Variants in P4HA3 observed in about 807,000 individuals in gnomAD.
The protein encoded by P4HA3 is prolyl 4-hydroxylase subunit alpha 3.
P4HA3 carries 60 observed loss-of-function variants against 66.7 expected under a neutral mutation model. The ratio of observed to expected loss-of-function variants is 0.90; its 90% confidence interval spans 0.73 to 1.12. The LOEUF (loss-of-function observed/expected upper bound fraction) is 1.12, where lower values mean the gene tolerates loss of function less well. P4HA3 is among the 50% of genes most tolerant of loss of function. P4HA3 has a pLI of 0.00. For missense variants in P4HA3, 683 were observed against 685.8 expected (o/e 1.00, Z 0.05); for synonymous variants, 263 against 274.6 (o/e 0.96, Z 0.42).
intron 10 of P4HA3, among the ~76,000 whole-genome samples, chr11:74,270,106 T>C (rs973430723): frequency 2.9e-4 from 44 of 152,062 alleles, no homozygotes; most frequent in African/African-American, 1.0e-3. Flanking sequence ...TCCTGAAATA[T>C]AATTGTCATA....
chr11:74,307,480 C>A (rs1861611921), intron 1 of P4HA3, among the ~76,000 whole-genome samples: 1 of 152,168 alleles, frequency 6.6e-6, no homozygotes. Context: ...ATCTCTATTG[C>A]AGCACATCAA....
chr11:74,260,572 A>G (rs1282553605), intron 14 of P4HA3, among the ~76,000 whole-genome samples: 1 of 152,218 alleles, frequency 6.6e-6, no homozygotes, highest in African/African-American at 2.4e-5. Context: ...CAAAAAACAG[A>G]TTACAGATCA....
At chr11:74,299,939 G>A (rs1171442541) in intron 3 of P4HA3, among the ~76,000 whole-genome samples, 1 of 152,094 alleles carries the variant, frequency 6.6e-6, no homozygotes, top group East Asian at 1.9e-4. Context: ...TAGGAGAAAA[G>A]GTAGACCAGA....
At chr11:74,302,937 CTCT>C (rs1565422234) in intron 2 of P4HA3, among the ~76,000 whole-genome samples, 1 of 149,034 alleles carries the variant, frequency 6.7e-6, no homozygotes, top group African/African-American at 2.5e-5. Context: ...CTCTTCTCTC[CTCT>C]TTTCTTTCTT....
chr11:74,311,605 G>T lies in P4HA3; in HGVS notation c.7C>A (p.Pro3Thr). The T allele has an allele frequency of 6.6e-7, 1 of 1,521,182 alleles. No homozygotes were observed. Among genetic ancestry groups the T allele is most frequent in the Non-Finnish European group, 8.7e-7 (1 of 1,146,058 alleles). 94.2% of individuals were successfully genotyped at this position (1,521,182 alleles called of 1,614,324 possible). MG[P>T]GARLAALLAV... ...AGCAGCGCCGCCAGCCGCGCCCCAGGACCCATAGCCAGCGCTCGCGAACTT... is the reference window on the plus strand; with the variant it reads ...AGCAGCGCCGCCAGCCGCGCCCCAGTACCCATAGCCAGCGCTCGCGAACTT... The change falls in exon 1 of 13, where the codon CCT becomes ACT. Residue 3 changes from proline (P) to threonine (T), a missense_variant. Coordinates refer to ENST00000331597, the MANE Select transcript of P4HA3 (RefSeq NM_182904.5).
At chr11:74,281,016 C>T (rs945494282) in intron 7 of P4HA3, among the ~76,000 whole-genome samples, 3 of 151,814 alleles carry the variant, frequency 2.0e-5, no homozygotes, top group Non-Finnish European at 4.4e-5. Flanking sequence ...ACAATGAACT[C>T]AAACAAATTT....
chr11:74,306,581 G>C (rs1269793957), intron 1 of P4HA3, among the ~76,000 whole-genome samples: 1 of 152,190 alleles, frequency 6.6e-6, no homozygotes, highest in Non-Finnish European at 1.5e-5. Context: ...GAGACTATGA[G>C]TCCTTTGGCA....
At position 74,269,839 on chromosome 11, in the gene P4HA3, T is replaced by C. The variant is rs898521509; in HGVS notation, c.1399-119A>G. 3 of 1,039,064 alleles carry C rather than the reference T, an allele frequency of 2.9e-6. No homozygotes were observed. The Admixed American group carries it at 7.7e-5, about 27-fold the overall frequency. 64.4% of individuals were successfully genotyped at this position (1,039,064 alleles called of 1,614,324 possible). A position where few individuals can be genotyped will look rare whatever the true frequency, so the allele number is the denominator to read the frequency against. ...GTCTTTTCTTCAACTCTGAGAGAAATACTTGAAAGACAATCATCCAACTCA... is the reference window on the plus strand; with the variant it reads ...GTCTTTTCTTCAACTCTGAGAGAAACACTTGAAAGACAATCATCCAACTCA... On this transcript the variant is annotated intron_variant, in intron 10 of 12. Transcript: ENST00000331597.
chr11:74,264,716 A>AC (rs1369602567), downstream of P4HA3, among the ~76,000 whole-genome samples: 4 of 152,204 alleles, frequency 2.6e-5, no homozygotes, highest in Non-Finnish European at 5.9e-5. Context: ...ATTCAGTGGT[A>AC]GTTCACCTCT....
chr11:74,263,690 G>A (rs1859945567), downstream of P4HA3, among the ~76,000 whole-genome samples: 3 of 152,188 alleles, frequency 2.0e-5, no homozygotes, highest in South Asian at 4.1e-4. Context: ...CATAAATGAT[G>A]TGGTTACAAA....
intron 4 of P4HA3, among the ~76,000 whole-genome samples, chr11:74,289,780 ATTTT>A (rs910964631): frequency 6.6e-6 from 1 of 151,582 alleles, no homozygotes; most frequent in African/African-American, 2.4e-5. Flanking sequence ...TGAACTCATC[ATTTT>A]TTATGGCTGC....
In P4HA3 at chr11:74,281,735, G is replaced by T. The variant is rs1860604291; in HGVS notation, c.1111-2283C>A. Among the ~76,000 whole-genome samples the T allele has an allele frequency of 2.0e-5, 3 of 151,936 alleles. No individual in the cohort carries two copies. In the South Asian group the frequency reaches 6.2e-4, roughly 32 times the overall value. On this transcript the variant is annotated intron_variant, in intron 7 of 12. Transcript: ENST00000331597. ...TCTGGGGACTGTTGTGGGGTGGAGG[G>T]AGGTGGGAGGGATAGCATTGGGAGA...
At chr11:74,286,504 CT>C in intron 5 of P4HA3, 113 bp from the exon 6 acceptor site, 1 of 964,068 alleles carries the variant, frequency 1.0e-6, no homozygotes, top group Non-Finnish European at 1.5e-6. Context: ...GCAAGTGGAT[CT>C]CCTGAATAAC....
Position 74,251,410 on chromosome 11 carries a change from A to G in P4HA3, c.*1319-3409T>C, listed in dbSNP as rs1163836832. 3 of 1,381,394 alleles carry G rather than the reference A, an allele frequency of 2.2e-6. No individual in the cohort carries two copies. In the African/African-American group the frequency reaches 4.3e-5, roughly 20 times the overall value. 85.6% of individuals were successfully genotyped at this position (1,381,394 alleles called of 1,614,324 possible). ...CACCATTCTGTAACTCTGAGGGCAC[A>G]CATAAGCCCTTCACGTCATTCCTCT... On this transcript the variant is annotated intron_variant and NMD_transcript_variant, in intron 15 of 15. Transcript: ENST00000524388.
chr11:74,276,396 C>T (rs1275158515), intron 9 of P4HA3, among the ~76,000 whole-genome samples: 2 of 151,398 alleles, frequency 1.3e-5, no homozygotes, highest in Non-Finnish European at 2.9e-5. Flanking sequence ...GACCTTGTCT[C>T]TACAAAAAAA....
chr11:74,279,500 G>A (rs1359127787), intron 7 of P4HA3, 48 bp from the exon 8 acceptor site: 7 of 1,568,316 alleles, frequency 4.5e-6, no homozygotes, highest in Middle Eastern at 1.7e-4. Context: ...TGATGCAAAA[G>A]GAAAGTTTTG....
intron 7 of P4HA3, among the ~76,000 whole-genome samples, chr11:74,284,569 T>C (rs1860719971): frequency 6.6e-6 from 1 of 152,186 alleles, no homozygotes; most frequent in Admixed American, 6.5e-5. Flanking sequence ...TAATCATAAT[T>C]ACATTATAAC....
chr11:74,311,379 C>T (rs1389937592), intron 1 of P4HA3, 33 bp downstream of exon 1: 2 of 1,467,228 alleles, frequency 1.4e-6, no homozygotes, highest in South Asian at 2.7e-5. Flanking sequence ...CCCACTGAGG[C>T]CCCTCGGTCG....
chr11:74,300,642 G>T (rs1004290902), intron 3 of P4HA3, among the ~76,000 whole-genome samples: 1 of 152,038 alleles, frequency 6.6e-6, no homozygotes, highest in Non-Finnish European at 1.5e-5. Context: ...AAAACAAAAA[G>T]AATTTCATAA....
Sources: gnomAD v4.1 joint callset for allele counts (sites outside exome capture counted in the v4.1 genomes callset) on GRCh38, gnomAD v4.1.1 for gene constraint, MANE v1.5 for transcripts, NCBI Gene and HGNC (gene_info 2026-07-23, HGNC 2026-07-21) for gene names.